The following NGLY1 variants were observed in gnomAD, a reference collection of about 807,000 sequenced individuals.
NGLY1 encodes N-glycanase 1.
NGLY1 carries 68 observed loss-of-function variants against 84.6 expected under a neutral mutation model. The ratio of observed to expected loss-of-function variants is 0.80; its 90% confidence interval spans 0.66 to 0.98. NGLY1 has a LOEUF of 0.98. Ranked by LOEUF, NGLY1 falls within the 50% of genes least tolerant of loss-of-function variation. The probability of loss-of-function intolerance (pLI) is 0.00; values close to 1 mark genes in which losing one functional copy is unlikely to be tolerated. For missense variants in NGLY1, 779 were observed against 770.2 expected (o/e 1.01, Z -0.14); for synonymous variants, 280 against 275.2 (o/e 1.02, Z -0.17).
rs148139990 is a variant in NGLY1, at chr3:25,738,935, A to C, written c.881+642T>G. ...GCTTATAAATTAAAGAATGGAAATT[A>C]ATTTAAAATTTAAAATGTCCTTAGT... On this transcript the variant is annotated intron_variant, in intron 5 of 11. Coordinates refer to ENST00000280700, the MANE Select transcript of NGLY1 (RefSeq NM_018297.4). Among the ~76,000 whole-genome samples the C allele has an allele frequency of 4.3e-3, 660 of 152,314 alleles. 4 individuals carry two copies. The highest frequency in any genetic ancestry group is 0.015 in the African/African-American group (613 of 41,584).
Position 25,720,011 on chromosome 3 carries a change from T to A in NGLY1, c.1789+3A>T. The A allele has an allele frequency of 6.2e-7, 1 of 1,607,020 alleles. No homozygotes were observed. The highest frequency in any genetic ancestry group is 2.2e-5 in the East Asian group (1 of 44,746). Reference sequence around the variant, plus strand: ...GTGATTAATTCTCCAGGCAAATGCTTACCGCCTGTCAGTTCTACTTGTGCT... The same window carrying A: ...GTGATTAATTCTCCAGGCAAATGCTAACCGCCTGTCAGTTCTACTTGTGCT... On this transcript the variant is annotated splice_donor_region_variant and intron_variant, in intron 11 of 11. Transcript: ENST00000280700.
At chr3:25,787,267 TGA>T (rs148180547), upstream of NGLY1, among the ~76,000 whole-genome samples, 1,055 of 152,252 alleles carry the variant, frequency 6.9e-3, 9 homozygotes, top group African/African-American at 0.024. Flanking sequence ...TTGCTACCTG[TGA>T]GAGACTCCCC....
chr3:25,720,125 C>A lies in NGLY1; in HGVS notation c.1678G>T (p.Val560Phe). The A allele has an allele frequency of 6.2e-7, 1 of 1,613,814 alleles. No homozygotes were observed. The change falls in exon 11 of 12, where the codon GTT becomes TTT. Residue 560 changes from valine (V) to phenylalanine (F), a missense_variant. By Grantham distance (50) the Val-to-Phe change is conservative. Transcript: ENST00000280700. ...GAAATGCTATCTACTTTTAGGCCAA[C>A]TGACCCACACTCAAACTTCCAGGAA... ...YISWKFECGS[V>F]GLKVDSISIR... is the part of the protein sequence containing the mutation.
chr3:25,739,763 T>C lies in NGLY1; in HGVS notation c.695A>G (p.Glu232Gly). 6.2e-7 allele frequency: 1 copy of C among 1,613,998 alleles called. No individual in the cohort carries two copies. The highest frequency in any genetic ancestry group is 8.5e-7 in the Non-Finnish European group (1 of 1,179,968). Residue 232 changes from glutamate (E) to glycine (G), a missense_variant, in exon 5 of 12, where the codon GAG becomes GGG. By Grantham distance (98) the Glu-to-Gly change is moderately conservative (BLOSUM62 -2). Transcript: ENST00000280700. ...TTCTTCCTTAAACCAGTGCAAAAGC[T>C]CCAGCAAAAGAAAATCCTCATCACT... ...NISDEDFLLL[E>G]LLHWFKEEFF... is the part of the protein sequence containing the mutation.
intron 4 of NGLY1, chr3:25,749,800 C>T (rs1575633347): frequency 6.2e-6 from 8 of 1,292,920 alleles, no homozygotes; most frequent in Non-Finnish European, 8.9e-6. Context: ...ACAATGTTTC[C>T]TCCAAGAACT....
At chr3:25,753,504 T>C (rs541456399) in intron 3 of NGLY1, among the ~76,000 whole-genome samples, 15 of 152,248 alleles carry the variant, frequency 9.9e-5, no homozygotes, top group South Asian at 6.2e-4. Context: ...CAAGTTTCGA[T>C]TGGTATAGAT....
intron 9 of NGLY1, 114 bp from the exon 10 acceptor site, chr3:25,729,432 T>G (rs1705427139): frequency 1.8e-6 from 1 of 548,660 alleles, no homozygotes; most frequent in Non-Finnish European, 2.8e-6. Flanking sequence ...AAGAAAAAAT[T>G]AGTGCCATTG....
chr3:25,736,273 T>A, intron 6 of NGLY1, 124 bp from the exon 7 acceptor site: 4 of 1,550,692 alleles, frequency 2.6e-6, no homozygotes, highest in Non-Finnish European at 3.5e-6. Context: ...TTTCAGTTAA[T>A]AAGTGCATTT....
chr3:25,727,529 CA>C (rs904598790), intron 10 of NGLY1, among the ~76,000 whole-genome samples: 3 of 152,130 alleles, frequency 2.0e-5, no homozygotes, highest in Admixed American at 1.3e-4. Context: ...CTCCTACAGC[CA>C]AAGCTAATTA....
chr3:25,755,358 T>TGGG lies in NGLY1; in HGVS notation c.493-4096_493-4095insCCC, dbSNP rs1706985396. 3.8e-6 allele frequency: 5 copies of TGGG among 1,309,018 alleles called. No homozygotes were observed. The Admixed American group carries it at 8.4e-5, about 22-fold the overall frequency. The allele number at this position is 1,309,018 out of a possible 1,614,324, so 81.1% of individuals were successfully genotyped here. A position where few individuals can be genotyped will look rare whatever the true frequency, so the allele number is the denominator to read the frequency against. On this transcript the variant is annotated intron_variant, in intron 3 of 11. Transcript: ENST00000280700. ...AACCAAGGGAGGCTAGTTCTACGAT[T>TGGG]GACTGTTGGTGCTGTTAGTAGCAAA...
At chr3:25,741,047 G>C (rs1706111037) in intron 4 of NGLY1, among the ~76,000 whole-genome samples, 1 of 150,592 alleles carries the variant, frequency 6.6e-6, no homozygotes, top group Non-Finnish European at 1.5e-5. Flanking sequence ...AGAATCACCT[G>C]AACCTGGGAT....
chr3:25,732,044 T>C (rs1705565516), intron 9 of NGLY1, among the ~76,000 whole-genome samples: 4 of 152,186 alleles, frequency 2.6e-5, no homozygotes, highest in Non-Finnish European at 5.9e-5. Context: ...TTTGTGCATT[T>C]TCCTGTATAT....
At chr3:25,737,117 G>A in intron 6 of NGLY1, 1 of 405,054 alleles carries the variant, frequency 2.5e-6, no homozygotes. Flanking sequence ...AATATTTATA[G>A]TGCAAAGCAC....
intron 10 of NGLY1, among the ~76,000 whole-genome samples, chr3:25,722,431 T>C (rs920577228): frequency 2.6e-5 from 4 of 152,124 alleles, no homozygotes; most frequent in Non-Finnish European, 1.5e-5. Context: ...TCTTTACTCA[T>C]ATCAAGTAAA....
In NGLY1 at chr3:25,783,398, C is replaced by T. The variant is rs1488996; in HGVS notation, c.-8G>A. 5,981 of 1,525,358 alleles carry T rather than the reference C, an allele frequency of 3.9e-3. 228 individuals carry two copies. In the African/African-American group the frequency reaches 0.076, roughly 19 times the overall value. 94.5% of individuals were successfully genotyped at this position (1,525,358 alleles called of 1,614,324 possible). A position where few individuals can be genotyped will look rare whatever the true frequency, so the allele number is the denominator to read the frequency against. On this transcript the variant is annotated 5_prime_UTR_variant, in exon 1 of 12. Transcript: ENST00000280700. The surrounding 1 kb of genome is among the most constrained non-coding windows in gnomAD (Gnocchi z 4.5). ...CAATGCCGCCGCCGCCATGCTTGAG[C>T]GCCAGCGGGCGCCGCCGCCGCCCCT... is the stretch of plus-strand genomic sequence containing the variant.
rs1705405506 is a variant in NGLY1, at chr3:25,729,056, A to G, written c.1611+77T>C. Reference sequence around the variant, plus strand: ...TGATATATCAGTTTTCATATTTTACACAACTGAAAAATGAAGCCAATCTAT... The same window carrying G: ...TGATATATCAGTTTTCATATTTTACGCAACTGAAAAATGAAGCCAATCTAT... On this transcript the variant is annotated intron_variant, in intron 10 of 11. Coordinates refer to ENST00000280700, the MANE Select transcript of NGLY1 (RefSeq NM_018297.4). 1.1e-5 allele frequency: 11 copies of G among 1,022,822 alleles called. No homozygotes were observed. The South Asian group carries it at 3.1e-4, about 29-fold the overall frequency. 63.4% of individuals were successfully genotyped at this position (1,022,822 alleles called of 1,614,324 possible).
intron 4 of NGLY1, among the ~76,000 whole-genome samples, chr3:25,746,144 T>C (rs535619590): frequency 1.3e-5 from 2 of 152,332 alleles, no homozygotes; most frequent in South Asian, 4.1e-4. Context: ...ATATACACCC[T>C]ACCCTACACA....
intron 4 of NGLY1, among the ~76,000 whole-genome samples, chr3:25,743,824 C>T (rs1706276708): frequency 6.6e-6 from 1 of 152,056 alleles, no homozygotes; most frequent in Non-Finnish European, 1.5e-5. Flanking sequence ...AGGTATAATC[C>T]AGCTGAAAGT....
intron 5 of NGLY1, among the ~76,000 whole-genome samples, chr3:25,738,024 C>G (rs1179984881): frequency 6.6e-6 from 1 of 152,058 alleles, no homozygotes; most frequent in Non-Finnish European, 1.5e-5. Flanking sequence ...TACAACAGGT[C>G]AGATTAGTGA....
Sources: allele counts gnomAD v4.1 joint callset (sites outside exome capture counted in the v4.1 genomes callset), GRCh38; gene constraint gnomAD v4.1.1; non-coding constraint Gnocchi (gnomAD v3.1); transcripts MANE v1.5; gene names NCBI Gene and HGNC (gene_info 2026-07-23, HGNC 2026-07-21).